The following MYO6 variants were observed in gnomAD, a reference collection of about 807,000 sequenced individuals.
The protein encoded by MYO6 is unconventional myosin-VI.
Under a neutral mutation model 178.7 loss-of-function variants are expected in MYO6, and 74 were observed. The observed-to-expected ratio is 0.41, with a 90% confidence interval of 0.34 to 0.50. The LOEUF is 0.50. MYO6 is among the 20% of genes least tolerant of loss of function. The pLI is 0.09. For synonymous variants in MYO6, 477 were observed against 504.6 expected, an observed-to-expected ratio of 0.95 and a Z score of 0.73; for missense variants, 1,330 against 1,547.4, an observed-to-expected ratio of 0.86 and a Z score of 2.36.
In MYO6 at chr6:75,816,083, G is replaced by C. The variant is rs72654779; in HGVS notation, c.-47-1418G>C. Among the ~76,000 whole-genome samples, 2,000 of 152,296 alleles carry C rather than the reference G, an allele frequency of 0.013. 74 individuals are homozygous for C. In the East Asian group the frequency reaches 0.15, roughly 11 times the overall value. ...CATACAGGGGTAATGGAAAAATTAG[G>C]TTAGAATTCACCTTAGGCAAAAACT... is the stretch of plus-strand genomic sequence containing the variant. On this transcript the variant is annotated intron_variant, in intron 1 of 34. Transcript: ENST00000369977.
intron 9 of MYO6, among the ~76,000 whole-genome samples, chr6:75,842,329 T>C (rs953892705): frequency 6.6e-6 from 1 of 152,096 alleles, no homozygotes; most frequent in South Asian, 2.1e-4. Context: ...TTGTATGGAG[T>C]ATGGGAATGT....
chr6:75,840,749 G>T, intron 8 of MYO6, 67 bp downstream of exon 8: 3 of 1,186,784 alleles, frequency 2.5e-6, no homozygotes, highest in Non-Finnish European at 3.7e-6. Context: ...GGGTCAGTTG[G>T]TGCTGTATTT....
rs1379670584 is a variant in MYO6, at chr6:75,879,425, T to C, written c.2078-395T>C. On this transcript the variant is annotated intron_variant, in intron 20 of 34. Coordinates refer to ENST00000369977, the MANE Select transcript of MYO6 (RefSeq NM_004999.4). ...ATGCCTGGCTGATTTCTCTATTTTT[T>C]TTTTTTTTTTTTGTAGAGATGGGGT... Among the ~76,000 whole-genome samples, 9 of 151,138 alleles carry C rather than the reference T, an allele frequency of 6.0e-5. No individual in the cohort carries two copies. In the East Asian group the frequency reaches 1.5e-3, roughly 26 times the overall value.
chr6:75,857,559 G>A (rs761444203), intron 13 of MYO6, among the ~76,000 whole-genome samples: 18 of 152,170 alleles, frequency 1.2e-4, no homozygotes, highest in Non-Finnish European at 2.9e-5. Flanking sequence ...AAATCCTTGT[G>A]TGCTACTAAT....
At chr6:75,753,455 G>GTGTGTGTGTGTGTATATATATA (rs370647728) in intron 1 of MYO6, among the ~76,000 whole-genome samples, 20 of 140,050 alleles carry the variant, frequency 1.4e-4, no homozygotes, top group African/African-American at 5.4e-4. Flanking sequence ...GTGTGTGTGT[G>GTGTGTGTGTGTGTATATATATA]TATATATATA....
At chr6:75,872,381 C>G (rs1449897157) in intron 19 of MYO6, among the ~76,000 whole-genome samples, 1 of 152,058 alleles carries the variant, frequency 6.6e-6, no homozygotes, top group Non-Finnish European at 1.5e-5. Context: ...GTTTGACAAA[C>G]AAATGTTAAA....
intron 32 of MYO6, 133 bp from the exon 33 acceptor site, chr6:75,911,539 A>G (rs1231217337): frequency 4.0e-6 from 3 of 752,372 alleles, no homozygotes; most frequent in East Asian, 2.7e-5. Flanking sequence ...AATTCTGAGA[A>G]TATTTGGCTT....
chr6:75,836,047 C>T, intron 7 of MYO6, 91 bp downstream of exon 7: 2 of 859,212 alleles, frequency 2.3e-6, no homozygotes, highest in South Asian at 2.7e-5. Flanking sequence ...CTCAGAGATG[C>T]AAAAGACTCT....
chr6:75,786,452 A>G (rs1012560906), intron 1 of MYO6, among the ~76,000 whole-genome samples: 1 of 152,348 alleles, frequency 6.6e-6, no homozygotes, highest in East Asian at 1.9e-4. Context: ...TTGGGATTGC[A>G]TTCAACCTAG....
rs771613333 is a variant in MYO6 at position 75,914,096 on chromosome 6, G to C, written c.3473G>C (p.Arg1158Thr). 6.2e-7 allele frequency: 1 copy of C among 1,614,146 alleles called. No homozygotes were observed. Among genetic ancestry groups the C allele is most frequent in the Non-Finnish European group, 8.5e-7 (1 of 1,180,024 alleles). ...AACCCAGCAGCTCAGATTCCTGCCA[G>C]GCAGCGGGAGATTGAAATGAACCGA... ...QQNPAAQIPA[R>T]QREIEMNRQQ... Residue 1158 changes from arginine (R) to threonine (T), a missense_variant, in exon 34 of 35, where the codon AGG becomes ACG. Physicochemically the swap from Arg to Thr is moderately conservative, Grantham distance 71 (BLOSUM62 -1). This residue lies in a region of MYO6 where 601 missense variants were observed against 626.1 expected (regional missense o/e 0.96). Coordinates refer to ENST00000369977, the MANE Select transcript of MYO6 (RefSeq NM_004999.4).
intron 1 of MYO6, among the ~76,000 whole-genome samples, chr6:75,806,410 G>A (rs1583143095): frequency 6.6e-6 from 1 of 151,540 alleles, no homozygotes; most frequent in African/African-American, 2.4e-5. Context: ...AAAATTAATA[G>A]AAGGGGGAAG....
At chr6:75,854,744 C>T (rs112445511) in intron 11 of MYO6, among the ~76,000 whole-genome samples, 1 of 152,016 alleles carries the variant, frequency 6.6e-6, no homozygotes, top group African/African-American at 2.4e-5. Flanking sequence ...TGCCTTACAG[C>T]GTTTGCACTA....
chr6:75,890,181 G>A lies in MYO6; in HGVS notation c.2783G>A (p.Arg928His), dbSNP rs760672339. ...GAAGAGGAAGCAGAAAGGCTGAGGC[G>A]TATTCAAGAAGAAATGGAAAAGGAA... is the stretch of plus-strand genomic sequence containing the variant. The part of the protein sequence containing the change: ...QQEEEAERLR[R>H]IQEEMEKERK... The change falls in exon 26 of 35, where the codon CGT (arginine) becomes CAT (histidine). Residue 928 changes from arginine (R) to histidine (H), a missense_variant. Physicochemically the swap from Arg to His is conservative, Grantham distance 29. Coordinates refer to ENST00000369977, the MANE Select transcript of MYO6 (RefSeq NM_004999.4). 15 of 1,611,466 alleles carry A rather than the reference G, an allele frequency of 9.3e-6. No homozygotes were observed. Among genetic ancestry groups the A allele is most frequent in the Middle Eastern group, 1.7e-4 (1 of 6,054 alleles).
intron 26 of MYO6, among the ~76,000 whole-genome samples, chr6:75,890,885 T>C (rs1437820999): frequency 2.6e-5 from 4 of 152,188 alleles, no homozygotes; most frequent in African/African-American, 9.6e-5. Context: ...GATAACATTT[T>C]GAAAGATTGC....
At chr6:75,822,947 G>A in intron 3 of MYO6, 96 bp downstream of exon 3, 1 of 955,370 alleles carries the variant, frequency 1.0e-6, no homozygotes, top group Non-Finnish European at 1.7e-6. Context: ...ACACTGTGCG[G>A]GTTCAGAAAC....
chr6:75,830,356 GTTTATC>G (rs1432876898), intron 4 of MYO6, 54 bp from the exon 5 acceptor site: 1 of 1,506,382 alleles, frequency 6.6e-7, no homozygotes, highest in Admixed American at 1.7e-5. Context: ...TATGAGCTTT[GTTTATC>G]TTTAAATGAA....
chr6:75,857,054 C>T (rs2149282722), intron 12 of MYO6, 43 bp from the exon 13 acceptor site: 4 of 1,592,370 alleles, frequency 2.5e-6, no homozygotes, highest in Non-Finnish European at 3.4e-6. Flanking sequence ...TTTCACAGTG[C>T]ACTATTATAA....
At chr6:75,876,143 G>C (rs1346027631) in intron 20 of MYO6, among the ~76,000 whole-genome samples, 1 of 152,008 alleles carries the variant, frequency 6.6e-6, no homozygotes, top group Non-Finnish European at 1.5e-5. Flanking sequence ...TCTCAGCTCT[G>C]TCATCACTTC....
chr6:75,792,521 A>G (rs1364772293), intron 1 of MYO6, among the ~76,000 whole-genome samples: 1 of 152,140 alleles, frequency 6.6e-6, no homozygotes, highest in Non-Finnish European at 1.5e-5. Context: ...AGAGTGGTAG[A>G]GCTTCTTTGA....
Sources: gnomAD v4.1 joint callset for allele counts (sites outside exome capture counted in the v4.1 genomes callset) on GRCh38, gnomAD v4.1.1 for gene constraint, gnomAD v4.1.1 regional missense constraint, MANE v1.5 for transcripts, NCBI Gene and HGNC (gene_info 2026-07-23, HGNC 2026-07-21) for gene names.